Variants in PCDH15 observed in about 807,000 individuals in gnomAD.
PCDH15 encodes protocadherin-15.
A neutral mutation model predicts 178.5 loss-of-function variants in PCDH15; 129 were observed. The observed-to-expected ratio is 0.72, with a 90% CI of 0.63 to 0.84. The LOEUF (loss-of-function observed/expected upper bound fraction) is 0.84, where lower values mean the gene tolerates loss of function less well. PCDH15 is among the 40% of genes least tolerant of loss of function. The pLI, the probability that PCDH15 is intolerant of heterozygous loss-of-function variation, is 0.00. For synonymous variants in PCDH15, 800 were observed against 732.0 expected (o/e 1.09, Z -1.50); for missense variants, 2,230 against 2,099.9 (o/e 1.06, Z -1.21).
intron 2 of PCDH15, among the ~76,000 whole-genome samples, chr10:55,564,359 A>G (rs567211050): frequency 1.2e-4 from 18 of 151,742 alleles, no homozygotes; most frequent in African/African-American, 3.6e-4. Context: ...GTTAATACTC[A>G]TGGTACCCAC....
chr10:54,093,599 T>G (rs1179592065), intron 15 of PCDH15, among the ~76,000 whole-genome samples: 2 of 152,188 alleles, frequency 1.3e-5, no homozygotes, highest in African/African-American at 2.4e-5. Context: ...CATATTTCTA[T>G]CAGCAATATT....
chr10:55,448,176 G>T (rs564095434), intron 2 of PCDH15, among the ~76,000 whole-genome samples: 2 of 152,092 alleles, frequency 1.3e-5, no homozygotes, highest in South Asian at 4.1e-4. Flanking sequence ...GAGACAGGGG[G>T]ATCGTAATTC....
chr10:54,669,897 A>G (rs1256393682), intron 1 of PCDH15, among the ~76,000 whole-genome samples: 1 of 151,728 alleles, frequency 6.6e-6, no homozygotes, highest in African/African-American at 2.4e-5. Context: ...TACTAAAAAT[A>G]TAAAATATTA....
intron 2 of PCDH15, among the ~76,000 whole-genome samples, chr10:55,487,325 C>G (rs556623835): frequency 1.3e-5 from 2 of 151,706 alleles, no homozygotes; most frequent in Non-Finnish European, 3.0e-5. Flanking sequence ...ATAAGCACAA[C>G]TGAGGTTTGT....
At chr10:53,962,278 T>G (rs901677511) in intron 21 of PCDH15, among the ~76,000 whole-genome samples, 1 of 152,096 alleles carries the variant, frequency 6.6e-6, no homozygotes, top group African/African-American at 2.4e-5. Flanking sequence ...GGCATCACCA[T>G]AGTTCCCCAT....
At chr10:54,588,845 A>T (rs1355119319) in intron 2 of PCDH15, among the ~76,000 whole-genome samples, 1 of 152,144 alleles carries the variant, frequency 6.6e-6, no homozygotes, top group African/African-American at 2.4e-5. Flanking sequence ...AAGTGCTGGT[A>T]TTATAGGCAT....
chr10:55,575,160 T>G (rs1842473748), intron 2 of PCDH15, among the ~76,000 whole-genome samples: 4 of 152,104 alleles, frequency 2.6e-5, no homozygotes, highest in Non-Finnish European at 5.9e-5. Flanking sequence ...TTAGTAATAT[T>G]GATTTCTGTA....
chr10:54,738,862 A>C (rs752922086), intron 1 of PCDH15, among the ~76,000 whole-genome samples: 6 of 152,078 alleles, frequency 3.9e-5, no homozygotes, highest in Non-Finnish European at 7.4e-5. Context: ...TCCTTTGGTT[A>C]TTATCTTGAT....
chr10:55,044,900 C>A (rs1217382014), intron 2 of PCDH15, among the ~76,000 whole-genome samples: 1 of 152,052 alleles, frequency 6.6e-6, no homozygotes, highest in Non-Finnish European at 1.5e-5. Flanking sequence ...ATTAGATACC[C>A]ATTCCTTCCC....
At chr10:55,066,911 T>C (rs1206018421) in intron 2 of PCDH15, among the ~76,000 whole-genome samples, 1 of 151,892 alleles carries the variant, frequency 6.6e-6, no homozygotes, top group East Asian at 1.9e-4. Flanking sequence ...AAATGAGAAC[T>C]TGAAATTATA....
At chr10:54,187,900 A>C (rs1205280601) in intron 11 of PCDH15, among the ~76,000 whole-genome samples, 1 of 151,816 alleles carries the variant, frequency 6.6e-6, no homozygotes, top group African/African-American at 2.4e-5. Flanking sequence ...ATGTTTAATA[A>C]TTTATATTCA....
chr10:54,758,243 G>C (rs2133101709), intron 1 of PCDH15, among the ~76,000 whole-genome samples: 1 of 152,216 alleles, frequency 6.6e-6, no homozygotes, highest in South Asian at 2.1e-4. Flanking sequence ...ATTGTGATGT[G>C]AAAGCCATAC....
rs2045806636 is a variant in PCDH15, at chr10:54,162,397, GA to G, written c.1591-9105del. Among the ~76,000 whole-genome samples, 3 of 152,278 alleles carry G rather than the reference GA, an allele frequency of 2.0e-5. No individual in the cohort carries two copies. In the South Asian group the frequency reaches 6.2e-4, roughly 32 times the overall value. ...GCAAAGAAAAGCCAGACCCATGGAA[GA>G]AAAGCAGAATGTAATCAGCTAATCC... On this transcript the variant is annotated intron_variant, in intron 13 of 37. Transcript: ENST00000644397.
At chr10:54,381,674 T>G (rs905355981) in intron 3 of PCDH15, among the ~76,000 whole-genome samples, 7 of 152,104 alleles carry the variant, frequency 4.6e-5, no homozygotes, top group African/African-American at 1.4e-4. Context: ...ACATATTTAA[T>G]TATAATAAAG....
At chr10:54,534,172 T>G (rs1031294479) in intron 2 of PCDH15, among the ~76,000 whole-genome samples, 9 of 152,196 alleles carry the variant, frequency 5.9e-5, no homozygotes, top group Non-Finnish European at 1.2e-4. Flanking sequence ...TCGAATAAAA[T>G]GTTTTTTCTA....
chr10:53,961,557 A>G (rs901023201), intron 22 of PCDH15, among the ~76,000 whole-genome samples, 195 bp downstream of exon 22: 1 of 151,964 alleles, frequency 6.6e-6, no homozygotes, highest in Non-Finnish European at 1.5e-5. Context: ...AATTCTAGCT[A>G]TTTCCAAGAT....
chr10:54,189,398 A>C, intron 11 of PCDH15: 1 of 1,507,372 alleles, frequency 6.6e-7, no homozygotes, highest in South Asian at 1.4e-5. Context: ...TACGCAAATT[A>C]AACATGAAAT....
intron 23 of PCDH15, among the ~76,000 whole-genome samples, chr10:53,955,786 A>G (rs972102504): frequency 6.6e-6 from 1 of 152,190 alleles, no homozygotes; most frequent in African/African-American, 2.4e-5. Context: ...TAATAATGTC[A>G]TTTAGCATCT....
At chr10:54,561,439 T>C (rs2088136930) in intron 2 of PCDH15, among the ~76,000 whole-genome samples, 1 of 152,174 alleles carries the variant, frequency 6.6e-6, no homozygotes, top group Admixed American at 6.5e-5. Context: ...GGAAAGACTA[T>C]CTTAGTTAAT....
Sources: gnomAD v4.1 joint callset for allele counts (sites outside exome capture counted in the v4.1 genomes callset) on GRCh38, gnomAD v4.1.1 for gene constraint, MANE v1.5 for transcripts, NCBI Gene and HGNC (gene_info 2026-07-23, HGNC 2026-07-21) for gene names.